Variants in TTBK2 observed in about 807,000 individuals in gnomAD.
TTBK2 encodes the protein tau-tubulin kinase 2.
In TTBK2, 28 loss-of-function variants were observed where a neutral mutation model predicts 110.8. The ratio of observed to expected loss-of-function variants is 0.25; its 90% CI spans 0.19 to 0.35. The LOEUF (loss-of-function observed/expected upper bound fraction) is 0.35, where lower values mean the gene tolerates loss of function less well. Ranked by LOEUF, TTBK2 falls within the 10% of genes least tolerant of loss-of-function variation. The pLI is 1.00. For synonymous variants in TTBK2, 532 were observed against 527.3 expected, an observed-to-expected ratio of 1.01 and a Z score of -0.12; for missense variants, 1,369 against 1,500.3, an observed-to-expected ratio of 0.91 and a Z score of 1.45.
intron 1 of TTBK2, among the ~76,000 whole-genome samples, chr15:42,908,043 G>A (rs2141205235): frequency 6.6e-6 from 1 of 152,174 alleles, no homozygotes; most frequent in Admixed American, 6.5e-5. Flanking sequence ...CCAAAATCAT[G>A]CCACTGCACT....
intron 3 of TTBK2, among the ~76,000 whole-genome samples, chr15:42,846,969 T>C (rs1011275542): frequency 2.0e-5 from 3 of 152,214 alleles, no homozygotes; most frequent in African/African-American, 7.2e-5. Flanking sequence ...CTCACACTTA[T>C]CCATCTCTTC....
At chr15:42,801,263 C>G in intron 9 of TTBK2, 1 of 1,544,780 alleles carries the variant, frequency 6.5e-7, no homozygotes, top group Non-Finnish European at 8.8e-7. Flanking sequence ...TCTTGATATC[C>G]AGGGCCAGCT....
chr15:42,828,591 C>T (rs958888179), intron 5 of TTBK2, among the ~76,000 whole-genome samples: 2 of 151,254 alleles, frequency 1.3e-5, no homozygotes, highest in African/African-American at 4.9e-5. Flanking sequence ...GGTGCGGTGG[C>T]GCGCGCCTGT....
intron 1 of TTBK2, among the ~76,000 whole-genome samples, chr15:42,913,233 G>A (rs994956569): frequency 6.6e-6 from 1 of 151,804 alleles, no homozygotes; most frequent in Non-Finnish European, 1.5e-5. Flanking sequence ...AGAAGAGAAG[G>A]TAAGTTTATT....
At chr15:42,833,178 A>T (rs1412259389) in intron 4 of TTBK2, among the ~76,000 whole-genome samples, 1 of 150,744 alleles carries the variant, frequency 6.6e-6, no homozygotes, top group Non-Finnish European at 1.5e-5. Flanking sequence ...ACAAACCTTC[A>T]CATGTACCCC....
chr15:42,783,648 G>T lies in TTBK2; in HGVS notation c.981-13C>A. On this transcript the variant is annotated splice_polypyrimidine_tract_variant and intron_variant, in intron 10 of 14. Coordinates refer to ENST00000267890, the MANE Select transcript of TTBK2 (RefSeq NM_173500.4). ...AGCATTGGCAATTCTACATATGAAGGGAGAAAAAAAAGGCAAGAATCAAAA... is the reference window on the plus strand; with the variant it reads ...AGCATTGGCAATTCTACATATGAAGTGAGAAAAAAAAGGCAAGAATCAAAA... 1 of 1,604,800 alleles carries T rather than the reference G, an allele frequency of 6.2e-7. No individual in the cohort carries two copies. The highest frequency in any genetic ancestry group is 1.1e-5 in the South Asian group (1 of 90,740).
At chr15:42,893,660 C>T (rs951572362) in intron 1 of TTBK2, among the ~76,000 whole-genome samples, 1 of 119,494 alleles carries the variant, frequency 8.4e-6, no homozygotes, top group African/African-American at 5.0e-5. Flanking sequence ...AAACCAGAAA[C>T]GTCATAGAAA....
At chr15:42,878,992 C>A (rs149730867) in intron 1 of TTBK2, among the ~76,000 whole-genome samples, 1 of 152,276 alleles carries the variant, frequency 6.6e-6, no homozygotes, top group East Asian at 1.9e-4. Flanking sequence ...ACTAGGTAGA[C>A]AACTATCCTG....
chr15:42,831,611 T>C (rs1892764385), intron 4 of TTBK2, among the ~76,000 whole-genome samples: 1 of 152,214 alleles, frequency 6.6e-6, no homozygotes, highest in African/African-American at 2.4e-5. Context: ...ATAATGTTAA[T>C]CTGTTAATGT....
At chr15:42,914,035 G>A (rs2030946222) in intron 1 of TTBK2, among the ~76,000 whole-genome samples, 1 of 150,490 alleles carries the variant, frequency 6.6e-6, no homozygotes, top group African/African-American at 2.5e-5. Flanking sequence ...GGAGTGCAAT[G>A]GTGCTGTCTC....
At chr15:42,808,130 C>G (rs1396796212) in intron 9 of TTBK2, among the ~76,000 whole-genome samples, 2 of 152,094 alleles carry the variant, frequency 1.3e-5, no homozygotes, top group African/African-American at 4.8e-5. Flanking sequence ...AAATTTCGAC[C>G]TTTACTGTAA....
chr15:42,770,189 T>C (rs1222766054), intron 13 of TTBK2, among the ~76,000 whole-genome samples: 1 of 152,092 alleles, frequency 6.6e-6, no homozygotes, highest in Non-Finnish European at 1.5e-5. Context: ...GGCACATGTA[T>C]ACCTATGTAA....
chr15:42,796,160 T>G (rs1268815769), intron 9 of TTBK2, among the ~76,000 whole-genome samples: 1 of 151,992 alleles, frequency 6.6e-6, no homozygotes, highest in Non-Finnish European at 1.5e-5. Flanking sequence ...TCCCAGCACT[T>G]TGGGAGGCTG....
chr15:42,802,070 G>A (rs375925409), intron 9 of TTBK2: 3 of 1,461,086 alleles, frequency 2.1e-6, no homozygotes, highest in Non-Finnish European at 2.8e-6. Flanking sequence ...ATCTTGTTCT[G>A]CTGCTCCAGG....
Position 42,752,593 on chromosome 15 carries a change from T to C in TTBK2, c.2653A>G (p.Met885Val). The C allele has an allele frequency of 6.2e-7, 1 of 1,614,202 alleles. No homozygotes were observed. The highest frequency in any genetic ancestry group is 8.5e-7 in the Non-Finnish European group (1 of 1,180,048). ...KNKISKDDDI[M>V]SEDLPGHQGD... ...TGATGACCTGGCAAGTCTTCACTCA[T>C]GATGTCATCATCCTTAGATATCTTA... Residue 885 changes from methionine to valine, a missense_variant, in exon 14 of 15, where the codon ATG becomes GTG. Transcript: ENST00000267890.
chr15:42,829,883 C>A (rs1892678774), intron 5 of TTBK2, 55 bp downstream of exon 5: 63 of 1,601,042 alleles, frequency 3.9e-5, no homozygotes, highest in Non-Finnish European at 4.8e-5. Flanking sequence ...TGTGTCCCAT[C>A]ATAACATTAA....
intron 6 of TTBK2, among the ~76,000 whole-genome samples, chr15:42,826,005 ACT>A (rs935787297): frequency 6.6e-6 from 1 of 151,966 alleles, no homozygotes. Context: ...TGTTTTTTAC[ACT>A]CTTTTGGAAT....
At chr15:42,766,363 T>C (rs897589592) in intron 13 of TTBK2, among the ~76,000 whole-genome samples, 3 of 149,404 alleles carry the variant, frequency 2.0e-5, no homozygotes, top group Non-Finnish European at 4.4e-5. Context: ...GTGTGCTGTA[T>C]TCAGGAGACC....
At chr15:42,853,152 CTCCTA>C (rs1893787924) in intron 3 of TTBK2, among the ~76,000 whole-genome samples, 1 of 152,136 alleles carries the variant, frequency 6.6e-6, no homozygotes, top group Non-Finnish European at 1.5e-5. Flanking sequence ...TGCAGTTCCT[CTCCTA>C]TAACAGTAAC....
Sources: gnomAD v4.1 joint callset for allele counts (sites outside exome capture counted in the v4.1 genomes callset) on GRCh38, gnomAD v4.1.1 for gene constraint, MANE v1.5 for transcripts, NCBI Gene and HGNC (gene_info 2026-07-23, HGNC 2026-07-21) for gene names.